The following SERPINA6 variants were observed in gnomAD, a reference collection of about 807,000 sequenced individuals.
SERPINA6 encodes corticosteroid-binding globulin.
In SERPINA6, 19 loss-of-function variants were observed where a neutral mutation model predicts 26.4. The observed-to-expected ratio is 0.72, with a 90% CI of 0.50 to 1.06. The LOEUF is 1.06. Among genes scored for constraint, SERPINA6 ranks in the 50% least tolerant of loss-of-function variants. SERPINA6 has a pLI of 0.00. For missense variants in SERPINA6, 473 were observed against 504.0 expected, an observed-to-expected ratio of 0.94 and a Z score of 0.59; for synonymous variants, 196 against 199.4, an observed-to-expected ratio of 0.98 and a Z score of 0.14.
intron 1 of SERPINA6, among the ~76,000 whole-genome samples, chr14:94,315,174 T>C (rs1156652784): frequency 6.7e-6 from 1 of 149,928 alleles, no homozygotes; most frequent in Non-Finnish European, 1.5e-5. Context: ...ACAGTAACTT[T>C]AAGCTGAATG....
At chr14:94,306,683 C>T (rs1034229941) in intron 3 of SERPINA6, among the ~76,000 whole-genome samples, 4 of 152,206 alleles carry the variant, frequency 2.6e-5, no homozygotes, top group African/African-American at 9.6e-5. Context: ...AATGTCCTCA[C>T]CTGCACACAA....
At chr14:94,309,076 A>G (rs545843979) in intron 3 of SERPINA6, among the ~76,000 whole-genome samples, 1 of 152,326 alleles carries the variant, frequency 6.6e-6, no homozygotes, top group Non-Finnish European at 1.5e-5. Flanking sequence ...TCAACCCTGC[A>G]CCAGCCCCTT....
chr14:94,315,191 T>C (rs1895596648), intron 1 of SERPINA6, among the ~76,000 whole-genome samples: 1 of 152,054 alleles, frequency 6.6e-6, no homozygotes, highest in Admixed American at 6.5e-5. Flanking sequence ...AATGAAGAAA[T>C]AAAAGACCTC....
At chr14:94,312,489 G>A (rs1374582331) in intron 2 of SERPINA6, among the ~76,000 whole-genome samples, 1 of 152,250 alleles carries the variant, frequency 6.6e-6, no homozygotes, top group African/African-American at 2.4e-5. Flanking sequence ...CTCCCAAAGA[G>A]ACAAAGATAC....
chr14:94,314,225 A>C lies in SERPINA6; in HGVS notation c.424T>G (p.Ser142Ala). 6.2e-7 allele frequency: 1 copy of C among 1,613,762 alleles called. No individual in the cohort carries two copies. The highest frequency in any genetic ancestry group is 8.5e-7 in the Non-Finnish European group (1 of 1,179,894). Residue 142 changes from serine to alanine, a missense_variant, in exon 2 of 5, where the codon TCA becomes GCA. Ser to Ala is a moderately conservative substitution (Grantham distance 99). Coordinates refer to ENST00000341584, the MANE Select transcript of SERPINA6 (RefSeq NM_001756.4). Reference sequence around the variant, plus strand: ...TAGTGCTTGATGTCTGCTGAGAATGACTCCAGCAACTCCAGGCTGCCATCA... The same window carrying C: ...TAGTGCTTGATGTCTGCTGAGAATGCCTCCAGCAACTCCAGGCTGCCATCA... ...FLDGSLELLE[S>A]FSADIKHYYE... is the part of the protein sequence containing the mutation.
chr14:94,309,705 C>A, intron 3 of SERPINA6, 31 bp downstream of exon 3: 1 of 1,612,710 alleles, frequency 6.2e-7, no homozygotes, highest in Admixed American at 1.7e-5. Flanking sequence ...ACGTGCATTG[C>A]AGAAATCAAC....
chr14:94,308,288 T>G (rs1168967131), intron 3 of SERPINA6, among the ~76,000 whole-genome samples: 1 of 152,266 alleles, frequency 6.6e-6, no homozygotes, highest in East Asian at 1.9e-4. Context: ...CGTACCACTA[T>G]TAATTCCACC....
At chr14:94,306,966 C>A (rs1895449964) in intron 3 of SERPINA6, among the ~76,000 whole-genome samples, 1 of 152,166 alleles carries the variant, frequency 6.6e-6, no homozygotes, top group Non-Finnish European at 1.5e-5. Context: ...CTCGCACCGG[C>A]TCTCTTGGCA....
At position 94,304,419 on chromosome 14, in the gene SERPINA6, T is replaced by TA. The variant is rs765267898; in HGVS notation, c.1216dup (p.Ter406LeufsTer51). ...CTGAGGCTCTGGGTGGGTGGTCTCT[T>TA]ACACTGGGTTCATAACCCTCGCCAG... On this transcript the variant is annotated frameshift_variant and stop_lost, in exon 5 of 5. Coordinates refer to ENST00000341584, the MANE Select transcript of SERPINA6 (RefSeq NM_001756.4). LOFTEE classifies it high-confidence loss of function. The TA allele has an allele frequency of 3.1e-6, 5 of 1,613,990 alleles. No homozygotes were observed. The highest frequency in any genetic ancestry group is 4.2e-6 in the Non-Finnish European group (5 of 1,180,000).
chr14:94,310,140 T>C, intron 2 of SERPINA6, 134 bp from the exon 3 acceptor site: 1 of 876,556 alleles, frequency 1.1e-6, no homozygotes, highest in East Asian at 2.6e-5. Flanking sequence ...CTCAAGGGTT[T>C]TTAGGTAAGA....
At chr14:94,318,711 A>G (rs1197076302) in intron 1 of SERPINA6, among the ~76,000 whole-genome samples, 1 of 152,216 alleles carries the variant, frequency 6.6e-6, no homozygotes, top group Non-Finnish European at 1.5e-5. Context: ...AAAATCTTAG[A>G]AAAAAACATG....
intron 1 of SERPINA6, among the ~76,000 whole-genome samples, chr14:94,316,924 G>A (rs1033963489): frequency 1.3e-5 from 2 of 152,294 alleles, no homozygotes; most frequent in Admixed American, 6.5e-5. Flanking sequence ...CTATTGTGGA[G>A]CTGCACCATT....
At chr14:94,309,584 T>G (rs1316461216) in intron 3 of SERPINA6, 152 bp downstream of exon 3, 7 of 803,512 alleles carry the variant, frequency 8.7e-6, no homozygotes, top group Non-Finnish European at 1.5e-5. Context: ...TAGGGAAACT[T>G]ACAGCCTTTG....
At chr14:94,321,296 C>T (rs1057512039) in intron 1 of SERPINA6, among the ~76,000 whole-genome samples, 1 of 152,060 alleles carries the variant, frequency 6.6e-6, no homozygotes, top group East Asian at 1.9e-4. Flanking sequence ...TCAAGCTGAT[C>T]GGTTCTGCTT....
rs781290846 is a variant in SERPINA6, at chr14:94,304,483, T to C, written c.1153A>G (p.Ile385Val). ...IILRFNQPFI[I>V]MIFDHFTWSS... The stretch of plus-strand genomic sequence containing the variant: ...CAGGTGAAGTGGTCGAAGATCATGA[T>C]GATGAAGGGCTGGTTGAAACGCAAG... The change falls in exon 5 of 5, where the codon ATC becomes GTC. Residue 385 changes from isoleucine to valine, a missense_variant. Ile to Val is a conservative substitution (Grantham distance 29). Transcript: ENST00000341584. 1 of 1,614,160 alleles carries C rather than the reference T, an allele frequency of 6.2e-7. No homozygotes were observed. Among genetic ancestry groups the C allele is most frequent in the Non-Finnish European group, 8.5e-7 (1 of 1,180,030 alleles).
intron 4 of SERPINA6, 110 bp from the exon 5 acceptor site, chr14:94,304,713 G>T: frequency 1.2e-6 from 1 of 869,312 alleles, no homozygotes; most frequent in Non-Finnish European, 1.8e-6. Flanking sequence ...TAAATCCAGG[G>T]TCAGAGAAGG....
chr14:94,314,797 G>A, intron 1 of SERPINA6, 130 bp from the exon 2 acceptor site: 1 of 828,904 alleles, frequency 1.2e-6, no homozygotes, highest in Non-Finnish European at 2.0e-6. Context: ...GTGTGACCTG[G>A]AGCACATCAC....
At position 94,304,404 on chromosome 14, in the gene SERPINA6, G is replaced by T. The variant is rs1179384927; in HGVS notation, c.*14C>A. On this transcript the variant is annotated 3_prime_UTR_variant, in exon 5 of 5. Transcript: ENST00000341584. ...CAAAGTCAGACAGTGCTGAGGCTCT[G>T]GGTGGGTGGTCTCTTACACTGGGTT... The T allele has an allele frequency of 6.2e-7, 1 of 1,613,380 alleles. No homozygotes were observed.
chr14:94,318,533 A>G (rs1158640200), intron 1 of SERPINA6, among the ~76,000 whole-genome samples: 3 of 152,206 alleles, frequency 2.0e-5, no homozygotes, highest in African/African-American at 7.2e-5. Flanking sequence ...TAGTAAAATG[A>G]TTTTGACAAG....
Sources: allele counts gnomAD v4.1 joint callset (sites outside exome capture counted in the v4.1 genomes callset), GRCh38; gene constraint gnomAD v4.1.1; transcripts MANE v1.5; gene names NCBI Gene and HGNC (gene_info 2026-07-23, HGNC 2026-07-21).